Variants in TCERG1L observed in about 807,000 individuals in gnomAD.
The protein encoded by TCERG1L is transcription elongation regulator 1-like protein.
In TCERG1L, 37 loss-of-function variants were observed where a neutral mutation model predicts 56.3. That is an observed-to-expected ratio of 0.66 (90% CI 0.51 to 0.87). The LOEUF (loss-of-function observed/expected upper bound fraction) is 0.87. TCERG1L is among the 40% of genes least tolerant of loss of function. TCERG1L has a pLI of 0.00. For synonymous variants in TCERG1L, 324 were observed against 326.3 expected (o/e 0.99, Z 0.08); for missense variants, 799 against 774.2 (o/e 1.03, Z -0.38).
At chr10:131,269,253 C>A (rs1270966010) in intron 3 of TCERG1L, among the ~76,000 whole-genome samples, 1 of 152,176 alleles carries the variant, frequency 6.6e-6, no homozygotes, top group Non-Finnish European at 1.5e-5. Flanking sequence ...GTGGCATGAT[C>A]TCGGCTCACT....
At chr10:131,291,223 C>A (rs1846617616) in intron 3 of TCERG1L, among the ~76,000 whole-genome samples, 1 of 151,924 alleles carries the variant, frequency 6.6e-6, no homozygotes, top group Admixed American at 6.6e-5. Flanking sequence ...AAATTCATTA[C>A]ATTGACCTAT....
chr10:131,200,376 G>A (rs1319998703), intron 4 of TCERG1L, among the ~76,000 whole-genome samples: 1 of 152,164 alleles, frequency 6.6e-6, no homozygotes, highest in African/African-American at 2.4e-5. Context: ...GAGTGTGGAG[G>A]GCCCAACCCC....
chr10:131,204,054 G>A (rs1267926429), intron 4 of TCERG1L, among the ~76,000 whole-genome samples: 16 of 152,198 alleles, frequency 1.1e-4, no homozygotes, highest in Admixed American at 8.5e-4. Context: ...TGGAATGAGC[G>A]ACCTCATGGA....
intron 7 of TCERG1L, among the ~76,000 whole-genome samples, chr10:131,138,237 G>A (rs892765433): frequency 4.6e-5 from 7 of 152,118 alleles, no homozygotes; most frequent in African/African-American, 9.7e-5. Context: ...CCAAGATGGC[G>A]CCACTGCACT....
chr10:131,208,415 A>C (rs1371267190), intron 4 of TCERG1L, among the ~76,000 whole-genome samples: 1 of 152,204 alleles, frequency 6.6e-6, no homozygotes, highest in Non-Finnish European at 1.5e-5. Context: ...ACAGAGATGC[A>C]TGTGAACGAT....
intron 6 of TCERG1L, among the ~76,000 whole-genome samples, chr10:131,153,503 T>A (rs1845886108): frequency 6.6e-6 from 1 of 152,196 alleles, no homozygotes; most frequent in African/African-American, 2.4e-5. Flanking sequence ...GGTCTCATCA[T>A]TTTCTCATTG....
chr10:131,251,014 T>C (rs1319367790), intron 4 of TCERG1L, among the ~76,000 whole-genome samples: 2 of 151,692 alleles, frequency 1.3e-5, no homozygotes, highest in African/African-American at 4.8e-5. Flanking sequence ...CTGGGAGAGT[T>C]GGGGCCCAGC....
At chr10:131,250,024 C>T (rs1008602531) in intron 4 of TCERG1L, among the ~76,000 whole-genome samples, 1 of 152,212 alleles carries the variant, frequency 6.6e-6, no homozygotes, top group Admixed American at 6.5e-5. Flanking sequence ...GCCAGGGACA[C>T]CCTGGAGGAA....
chr10:131,258,551 G>A (rs1363675638), intron 4 of TCERG1L, among the ~76,000 whole-genome samples: 4 of 152,192 alleles, frequency 2.6e-5, no homozygotes, highest in African/African-American at 9.7e-5. Flanking sequence ...CAGCCTCCTG[G>A]TGGTATTTCA....
At chr10:131,211,520 G>T (rs1845619619) in intron 4 of TCERG1L, among the ~76,000 whole-genome samples, 1 of 152,192 alleles carries the variant, frequency 6.6e-6, no homozygotes, top group Admixed American at 6.5e-5. Flanking sequence ...GTCCCAGGAT[G>T]CAGTGACTTC....
In TCERG1L at chr10:131,308,164, T is replaced by C. The variant is rs1459363806; in HGVS notation, c.670+47A>G. On this transcript the variant is annotated intron_variant, in intron 3 of 11. Transcript: ENST00000368642. ...TTCATATCTAAAACTAATTTATGAT[T>C]GAAGCAAAAATGAAACAGACATTGT... The C allele has an allele frequency of 3.9e-6, 6 of 1,521,042 alleles. No homozygotes were observed. In the African/African-American group the frequency reaches 5.6e-5, roughly 14 times the overall value. 94.2% of individuals were successfully genotyped at this position (1,521,042 alleles called of 1,614,324 possible).
chr10:131,277,073 G>A (rs1471671962), intron 3 of TCERG1L, among the ~76,000 whole-genome samples: 3 of 152,142 alleles, frequency 2.0e-5, no homozygotes, highest in Non-Finnish European at 4.4e-5. Context: ...AGCGAGACGA[G>A]AGTTTGAGAT....
At chr10:131,196,716 C>G (rs1445291448) in intron 4 of TCERG1L, among the ~76,000 whole-genome samples, 1 of 152,212 alleles carries the variant, frequency 6.6e-6, no homozygotes, top group African/African-American at 2.4e-5. Context: ...ACTCCCGTGA[C>G]TCGGCCTGAC....
intron 3 of TCERG1L, among the ~76,000 whole-genome samples, chr10:131,280,210 A>G (rs1846436272): frequency 3.3e-5 from 5 of 152,092 alleles, no homozygotes; most frequent in South Asian, 2.1e-4. Context: ...GAATGGTTGC[A>G]TTCTTTGAGT....
intron 6 of TCERG1L, among the ~76,000 whole-genome samples, chr10:131,149,470 A>G (rs1845840143): frequency 6.6e-6 from 1 of 152,158 alleles, no homozygotes; most frequent in African/African-American, 2.4e-5. Context: ...GTTTTTATTG[A>G]GTCTAAAGCT....
rs999222249 is a variant in TCERG1L, at chr10:131,244,528, C to T, written c.856+15731G>A. Among the ~76,000 whole-genome samples, 8 of 152,140 alleles carry T rather than the reference C, an allele frequency of 5.3e-5. No individual in the cohort carries two copies. The South Asian group carries it at 1.7e-3, about 32-fold the overall frequency. On this transcript the variant is annotated intron_variant, in intron 4 of 11. Coordinates refer to ENST00000368642, the MANE Select transcript of TCERG1L (RefSeq NM_174937.4). ...AAGAAACTGCAAGAAGTGTGATGCCCCCATGGTTGAGGTGGAGGGGACAGT... is the reference window on the plus strand; with the variant it reads ...AAGAAACTGCAAGAAGTGTGATGCCTCCATGGTTGAGGTGGAGGGGACAGT...
intron 4 of TCERG1L, among the ~76,000 whole-genome samples, chr10:131,224,874 G>A (rs1336173202): frequency 2.6e-5 from 4 of 152,118 alleles, no homozygotes; most frequent in South Asian, 2.1e-4. Flanking sequence ...TCTAATTAGC[G>A]TACCTGGACG....
intron 9 of TCERG1L, among the ~76,000 whole-genome samples, chr10:131,111,477 T>C (rs1447878363): frequency 7.0e-6 from 1 of 143,448 alleles, no homozygotes; most frequent in Non-Finnish European, 1.6e-5. Context: ...TATTTACTTT[T>C]ACTTCCTTGT....
At chr10:131,245,883 G>A (rs1341529445) in intron 4 of TCERG1L, among the ~76,000 whole-genome samples, 1 of 152,158 alleles carries the variant, frequency 6.6e-6, no homozygotes, top group African/African-American at 2.4e-5. Context: ...GGTGGCAGAG[G>A]CCTCGGGTGG....
Sources: gnomAD v4.1 joint callset for allele counts (sites outside exome capture counted in the v4.1 genomes callset) on GRCh38, gnomAD v4.1.1 for gene constraint, MANE v1.5 for transcripts, NCBI Gene and HGNC (gene_info 2026-07-23, HGNC 2026-07-21) for gene names.